The following ANKH variants were observed in gnomAD, a reference collection of about 807,000 sequenced individuals.
ANKH encodes ANKH inorganic pyrophosphate transport regulator.
In ANKH, 15 loss-of-function variants were observed where a neutral mutation model predicts 49.0. The observed-to-expected ratio is 0.31, with a 90% CI of 0.20 to 0.47. ANKH has a LOEUF of 0.47. Ranked by LOEUF, ANKH falls within the 20% of genes least tolerant of loss-of-function variation. ANKH has a pLI of 1.00. For synonymous variants in ANKH, 273 were observed against 260.0 expected, an observed-to-expected ratio of 1.05 and a Z score of -0.48; for missense variants, 429 against 652.0, an observed-to-expected ratio of 0.66 and a Z score of 3.72.
chr5:14,801,974 G>A (rs1740577694), intron 1 of ANKH, among the ~76,000 whole-genome samples: 1 of 152,320 alleles, frequency 6.6e-6, no homozygotes, highest in South Asian at 2.1e-4. Flanking sequence ...AGGACAGGAT[G>A]CATTTCCTAC....
intron 1 of ANKH, among the ~76,000 whole-genome samples, chr5:14,800,122 T>C (rs1740524973): frequency 1.3e-5 from 2 of 152,110 alleles, no homozygotes; most frequent in Admixed American, 6.6e-5. Flanking sequence ...GCAGATGTGG[T>C]AGAAATAGCA....
chr5:14,848,428 GT>G (rs1397275854), intron 1 of ANKH, among the ~76,000 whole-genome samples: 1 of 152,010 alleles, frequency 6.6e-6, no homozygotes. Context: ...GTCCCCTCCC[GT>G]TGTATGGGAG....
chr5:14,736,110 G>A (rs1438427458), intron 8 of ANKH, among the ~76,000 whole-genome samples: 2 of 145,494 alleles, frequency 1.4e-5, no homozygotes, highest in Admixed American at 7.1e-5. Flanking sequence ...ATGAGGCCAC[G>A]TGGTTTGATT....
At chr5:14,858,267 C>A (rs2126628704) in intron 1 of ANKH, among the ~76,000 whole-genome samples, 1 of 152,244 alleles carries the variant, frequency 6.6e-6, no homozygotes, top group East Asian at 1.9e-4. Flanking sequence ...CCGCCTCCCA[C>A]CCTTCCCCCA....
intron 1 of ANKH, chr5:14,798,395 G>C: frequency 6.4e-7 from 1 of 1,565,498 alleles, no homozygotes; most frequent in Non-Finnish European, 8.7e-7. Context: ...CTTCCTTGTC[G>C]GCCATGGCGG....
chr5:14,865,267 T>A (rs930801964), intron 1 of ANKH, among the ~76,000 whole-genome samples: 40 of 151,824 alleles, frequency 2.6e-4, no homozygotes, highest in African/African-American at 8.9e-4. Flanking sequence ...TCTCAAAAAA[T>A]AATAATAATG....
At chr5:14,833,210 A>C (rs752307588) in intron 1 of ANKH, among the ~76,000 whole-genome samples, 7 of 152,206 alleles carry the variant, frequency 4.6e-5, no homozygotes, top group Non-Finnish European at 8.8e-5. Flanking sequence ...TTCCATTCTT[A>C]AGTTATAGCA....
intron 1 of ANKH, among the ~76,000 whole-genome samples, chr5:14,803,411 C>G (rs1280642061): frequency 1.3e-5 from 2 of 152,114 alleles, no homozygotes; most frequent in Non-Finnish European, 2.9e-5. Context: ...TCCTGAGTAG[C>G]TGGGACTACA....
intron 1 of ANKH, among the ~76,000 whole-genome samples, chr5:14,830,143 G>A (rs1438101342): frequency 6.6e-6 from 1 of 152,182 alleles, no homozygotes; most frequent in East Asian, 1.9e-4. Flanking sequence ...ACCTATGGAC[G>A]ACTACGAAGC....
Position 14,709,727 on chromosome 5 carries a change from C to T in ANKH, c.*1470G>A, listed in dbSNP as rs1161044546. 2 of 152,614 alleles carry T rather than the reference C, an allele frequency of 1.3e-5. No individual in the cohort carries two copies. The highest frequency in any genetic ancestry group is 2.9e-5 in the Non-Finnish European group (2 of 68,046). 9.5% of individuals were successfully genotyped at this position (152,614 alleles called of 1,614,324 possible). A position where few individuals can be genotyped will look rare whatever the true frequency, so the allele number is the denominator to read the frequency against. On this transcript the variant is annotated 3_prime_UTR_variant, in exon 12 of 12. Transcript: ENST00000284268. ...CTTACATTCAAATGCAAATGACGGA[C>T]TTTATAAAACTGCTGCCAATAAGGT... is the stretch of plus-strand genomic sequence containing the variant.
At chr5:14,752,796 A>G (rs1484316455) in intron 4 of ANKH, among the ~76,000 whole-genome samples, 1 of 152,192 alleles carries the variant, frequency 6.6e-6, no homozygotes, top group East Asian at 1.9e-4. Context: ...CAGGAAAGTC[A>G]TTAGTAAGAA....
intron 1 of ANKH, among the ~76,000 whole-genome samples, chr5:14,789,815 A>G (rs1262016532): frequency 1.3e-5 from 2 of 152,028 alleles, no homozygotes; most frequent in Non-Finnish European, 2.9e-5. Flanking sequence ...GGCTCAAGTG[A>G]TTATCCAGCC....
At chr5:14,866,930 G>A (rs946171368) in intron 1 of ANKH, among the ~76,000 whole-genome samples, 1 of 152,110 alleles carries the variant, frequency 6.6e-6, no homozygotes, top group African/African-American at 2.4e-5. Flanking sequence ...GCCAAGGTAG[G>A]TGGATCACGT....
intron 1 of ANKH, among the ~76,000 whole-genome samples, chr5:14,867,247 T>C (rs1229130511): frequency 6.6e-6 from 1 of 151,864 alleles, no homozygotes; most frequent in Non-Finnish European, 1.5e-5. Flanking sequence ...AACTTATTCC[T>C]AAATTTATAA....
chr5:14,717,627 C>G (rs770545950), intron 8 of ANKH, among the ~76,000 whole-genome samples: 1 of 152,158 alleles, frequency 6.6e-6, no homozygotes, highest in Non-Finnish European at 1.5e-5. Flanking sequence ...TACATCTCCC[C>G]GAATTTGACA....
At chr5:14,779,517 T>G (rs1014244349) in intron 1 of ANKH, among the ~76,000 whole-genome samples, 1 of 152,210 alleles carries the variant, frequency 6.6e-6, no homozygotes, top group Non-Finnish European at 1.5e-5. Flanking sequence ...GTTACCTCCT[T>G]GAGGCAGGGA....
In ANKH at chr5:14,793,060, A is replaced by AT. The variant is rs1554006463; in HGVS notation, c.97-23870_97-23869insA. ...AAAATATATATATAAATATATATAA[A>AT]ATATATATAAATATATAAAAATATA... On this transcript the variant is annotated intron_variant, in intron 1 of 11. Transcript: ENST00000284268. 4.4e-4 allele frequency among the ~76,000 whole-genome samples: 16 copies of AT among 36,024 alleles called. No homozygotes were observed. In the East Asian group the frequency reaches 0.025, roughly 57 times the overall value. 23.6% of individuals were successfully genotyped at this position (36,024 alleles called of 152,430 possible).
At chr5:14,718,945 A>C (rs1285274965) in intron 8 of ANKH, among the ~76,000 whole-genome samples, 2 of 152,066 alleles carry the variant, frequency 1.3e-5, no homozygotes, top group Admixed American at 6.6e-5. Flanking sequence ...AGAAGGATGA[A>C]GGCATGCAAA....
intron 1 of ANKH, among the ~76,000 whole-genome samples, chr5:14,835,861 A>C (rs1055121377): frequency 2.6e-5 from 4 of 152,194 alleles, no homozygotes; most frequent in African/African-American, 9.6e-5. Flanking sequence ...CAATGCAAAA[A>C]TCCTCAATAA....
Sources: gnomAD v4.1 joint callset for allele counts (sites outside exome capture counted in the v4.1 genomes callset) on GRCh38, gnomAD v4.1.1 for gene constraint, MANE v1.5 for transcripts, NCBI Gene and HGNC (gene_info 2026-07-23, HGNC 2026-07-21) for gene names.